The following MRGPRF variants were observed in gnomAD, a reference collection of about 807,000 sequenced individuals.
The protein encoded by MRGPRF is MAS related GPR family member F, also known as mas-related G protein-coupled receptor member F.
A neutral mutation model predicts 3.3 loss-of-function variants in MRGPRF; 2 were observed. That is an observed-to-expected ratio of 0.61 (90% CI 0.25 to 1.92). The LOEUF (loss-of-function observed/expected upper bound fraction) is 1.92, where lower values mean the gene tolerates loss of function less well. Ranked by LOEUF, MRGPRF falls within the 40% of genes most tolerant of loss-of-function variation. MRGPRF has a pLI of 0.16. For missense variants in MRGPRF, 500 were observed against 476.0 expected, an observed-to-expected ratio of 1.05 and a Z score of -0.47; for synonymous variants, 242 against 222.7, an observed-to-expected ratio of 1.09 and a Z score of -0.77.
chr11:69,005,773 G>C lies in MRGPRF; in HGVS notation c.537C>G (p.Asn179Lys). Residue 179 changes from asparagine to lysine, a missense_variant, in exon 3 of 3, where the codon AAC becomes AAG. Physicochemically the swap from Asn to Lys is moderately conservative, Grantham distance 94 (BLOSUM62 0). Coordinates refer to ENST00000309099, the MANE Select transcript of MRGPRF (RefSeq NM_145015.5). Reference sequence around the variant, plus strand: ...CGCGGCCCAGGAACACGCAGAAGTAGTTGTGCAGGCAGGTGACCAGGAGGG... The same window carrying C: ...CGCGGCCCAGGAACACGCAGAAGTACTTGTGCAGGCAGGTGACCAGGAGGG... ...VLSLLVTCLHNYFCVFLGRGA... is the reference protein window; with the variant it reads ...VLSLLVTCLHKYFCVFLGRGA... 1 of 1,546,012 alleles carries C rather than the reference G, an allele frequency of 6.5e-7. No individual in the cohort carries two copies. Among genetic ancestry groups the C allele is most frequent in the Non-Finnish European group, 8.7e-7 (1 of 1,144,682 alleles).
chr11:69,005,387 A>G lies in MRGPRF; in HGVS notation c.923T>C (p.Val308Ala). The change falls in exon 3 of 3, where the codon GTG becomes GCG. Residue 308 changes from valine (V) to alanine (A), a missense_variant. Coordinates refer to ENST00000309099, the MANE Select transcript of MRGPRF (RefSeq NM_145015.5). ...GTCCCGCAGGGCCCGCTGGAAGACC[A>G]CCCTGAGCGGCTCCCACAGCCGCTG... The part of the protein sequence containing the change: ...KSQRLWEPLR[V>A]VFQRALRDGA... The G allele has an allele frequency of 3.8e-6, 6 of 1,575,104 alleles. No individual in the cohort carries two copies. The highest frequency in any genetic ancestry group is 5.2e-6 in the Non-Finnish European group (6 of 1,160,988).
chr11:69,009,834 C>T lies in MRGPRF; in HGVS notation c.48+20G>A. Reference sequence around the variant, plus strand: ...ACACCCGTCTGGGCAAGACCAGGGCCCTCCGCCTGTGGCACTTACCTTGTT... The same window carrying T: ...ACACCCGTCTGGGCAAGACCAGGGCTCTCCGCCTGTGGCACTTACCTTGTT... On this transcript the variant is annotated intron_variant, in intron 2 of 2. Coordinates refer to ENST00000309099, the MANE Select transcript of MRGPRF (RefSeq NM_145015.5). The T allele has an allele frequency of 6.2e-7, 1 of 1,608,590 alleles. No homozygotes were observed. The highest frequency in any genetic ancestry group is 8.5e-7 in the Non-Finnish European group (1 of 1,179,550).
At chr11:69,009,778 AG>A in intron 2 of MRGPRF, 75 bp downstream of exon 2, 1 of 1,512,536 alleles carries the variant, frequency 6.6e-7, no homozygotes, top group South Asian at 1.1e-5. Flanking sequence ...ATGGGGGAGG[AG>A]ATGCTGGGCT....
At chr11:69,008,674 C>T (rs866247796) in intron 2 of MRGPRF, among the ~76,000 whole-genome samples, 10 of 152,158 alleles carry the variant, frequency 6.6e-5, no homozygotes, top group Admixed American at 1.3e-4. Flanking sequence ...CTGGTCTGTT[C>T]GCCCCAAATC....
chr11:69,009,694 C>T (rs990552597), intron 2 of MRGPRF, 160 bp downstream of exon 2: 2 of 838,378 alleles, frequency 2.4e-6, no homozygotes, highest in African/African-American at 3.3e-5. Flanking sequence ...GAACTTGTGC[C>T]CGGCCACATA....
chr11:69,009,759 A>G (rs1326225011), intron 2 of MRGPRF, 95 bp downstream of exon 2: 1 of 1,335,736 alleles, frequency 7.5e-7, no homozygotes, highest in Admixed American at 1.8e-5. Context: ...TGGGGCCAGG[A>G]AGGGGGGGAT....
At chr11:69,013,590 A>G (rs1481705182), upstream of MRGPRF, among the ~76,000 whole-genome samples, 1 of 152,206 alleles carries the variant, frequency 6.6e-6, no homozygotes, top group Non-Finnish European at 1.5e-5. Context: ...AGGAGGGGCT[A>G]GTCCCCACCC....
intron 2 of MRGPRF, among the ~76,000 whole-genome samples, chr11:69,007,427 C>T (rs962355901): frequency 4.6e-5 from 7 of 152,170 alleles, no homozygotes; most frequent in African/African-American, 1.4e-4. Flanking sequence ...GGACTGGTCT[C>T]GATCTCTTGA....
chr11:69,006,061 C>G lies in MRGPRF; in HGVS notation c.249G>C (p.Leu83=). ...AGCCCACATCGGCGCTGGCCAGGTGCAGGAAGTAGATGGAGAAGGGGTTCC... is the reference window on the plus strand; with the variant it reads ...AGCCCACATCGGCGCTGGCCAGGTGGAGGAAGTAGATGGAGAAGGGGTTCC... ...IKRNPFSIYF[L]HLASADVGYL... Residue 83 remains leucine (L), a synonymous_variant, in exon 3 of 3, where the codon CTG becomes CTC. Transcript: ENST00000309099. The G allele has an allele frequency of 6.3e-7, 1 of 1,598,404 alleles. No homozygotes were observed. The highest frequency in any genetic ancestry group is 8.5e-7 in the Non-Finnish European group (1 of 1,172,560).
At chr11:69,007,692 C>G (rs904925206) in intron 2 of MRGPRF, among the ~76,000 whole-genome samples, 1 of 152,142 alleles carries the variant, frequency 6.6e-6, no homozygotes, top group African/African-American at 2.4e-5. Flanking sequence ...AATAAAATCA[C>G]TTGTAAGTTA....
In MRGPRF at chr11:69,005,453, G is replaced by C; in HGVS notation, c.857C>G (p.Ala286Gly). The change falls in exon 3 of 3, where the codon GCC becomes GGC. Residue 286 changes from alanine to glycine, a missense_variant. Transcript: ENST00000309099. ...GGCCAGGAAGTAGACGATGGGCTTG[G>C]CGCTGCTGTTGATGCAGATGCACAG... is the stretch of plus-strand genomic sequence containing the variant. ...TDLCICINSS[A>G]KPIVYFLAGR... 2 of 1,588,920 alleles carry C rather than the reference G, an allele frequency of 1.3e-6. No individual in the cohort carries two copies. Among genetic ancestry groups the C allele is most frequent in the Non-Finnish European group, 1.7e-6 (2 of 1,167,894 alleles).
chr11:69,009,050 G>A (rs1381967250), intron 2 of MRGPRF, among the ~76,000 whole-genome samples: 1 of 152,148 alleles, frequency 6.6e-6, no homozygotes, highest in Non-Finnish European at 1.5e-5. Context: ...CCACCTACCA[G>A]TCCAACCTCT....
upstream of MRGPRF, among the ~76,000 whole-genome samples, chr11:69,013,601 C>T (rs561230890): frequency 5.3e-5 from 8 of 152,348 alleles, no homozygotes; most frequent in East Asian, 1.4e-3. Flanking sequence ...GTCCCCACCC[C>T]GTTGTTTTAA....
At position 69,005,510 on chromosome 11, in the gene MRGPRF, A is replaced by G; in HGVS notation, c.800T>C (p.Ile267Thr). ...IDWFLFWVFQ[I>T]PAPFPEYVTD... ...GACGTACTCGGGGAAGGGGGCCGGGATCTGGAAGACCCAGAAGAGGAACCA... is the reference window on the plus strand; with the variant it reads ...GACGTACTCGGGGAAGGGGGCCGGGGTCTGGAAGACCCAGAAGAGGAACCA... Residue 267 changes from isoleucine to threonine, a missense_variant, in exon 3 of 3, where the codon ATC becomes ACC. Ile to Thr is a moderately conservative substitution (Grantham distance 89, BLOSUM62 -1). Transcript: ENST00000309099. The G allele has an allele frequency of 6.3e-7, 1 of 1,579,888 alleles. No homozygotes were observed. Among genetic ancestry groups the G allele is most frequent in the Non-Finnish European group, 8.6e-7 (1 of 1,163,238 alleles).
chr11:69,006,951 A>G (rs1860503977), intron 2 of MRGPRF, among the ~76,000 whole-genome samples: 2 of 152,182 alleles, frequency 1.3e-5, no homozygotes, highest in South Asian at 2.1e-4. Context: ...GCAAAGAGAC[A>G]TGACTCCTAA....
At chr11:69,008,608 G>A (rs1590680795) in intron 2 of MRGPRF, among the ~76,000 whole-genome samples, 1 of 152,186 alleles carries the variant, frequency 6.6e-6, no homozygotes, top group South Asian at 2.1e-4. Flanking sequence ...CTGTAAGGGG[G>A]CCCTGCTCCC....
At chr11:69,013,488 C>T (rs780229261), upstream of MRGPRF, 163 of 152,492 alleles carry the variant, frequency 1.1e-3, no homozygotes, top group Middle Eastern at 3.4e-3. Context: ...TTCTGCTGCT[C>T]GGCAGGGCTG....
chr11:69,005,218 C>T lies in MRGPRF; in HGVS notation c.*60G>A. 2 of 1,438,290 alleles carry T rather than the reference C, an allele frequency of 1.4e-6. No individual in the cohort carries two copies. Among genetic ancestry groups the T allele is most frequent in the Non-Finnish European group, 1.8e-6 (2 of 1,101,140 alleles). The allele number at this position is 1,438,290 out of a possible 1,614,324, so 89.1% of individuals were successfully genotyped here. A position where few individuals can be genotyped will look rare whatever the true frequency, so the allele number is the denominator to read the frequency against. ...CTCAGAAGCAGGTGCCCATTCCTGT[C>T]CCAAGGCGAAGGGTCTTGGAGGCCG... On this transcript the variant is annotated 3_prime_UTR_variant, in exon 3 of 3. Transcript: ENST00000309099.
chr11:69,012,029 C>T (rs1402488325), intron 1 of MRGPRF, among the ~76,000 whole-genome samples: 2 of 152,242 alleles, frequency 1.3e-5, no homozygotes, highest in African/African-American at 4.8e-5. Flanking sequence ...GATCTAGAAG[C>T]CAGCAGACCC....
Sources: allele counts gnomAD v4.1 joint callset (sites outside exome capture counted in the v4.1 genomes callset), GRCh38; gene constraint gnomAD v4.1.1; transcripts MANE v1.5; gene names NCBI Gene and HGNC (gene_info 2026-07-23, HGNC 2026-07-21).